The following TCEA1 variants were observed in gnomAD, a reference collection of about 807,000 sequenced individuals.
The protein encoded by TCEA1 is transcription elongation factor A protein 1.
Under a neutral mutation model 43.8 loss-of-function variants are expected in TCEA1, and 21 were observed. The observed-to-expected ratio is 0.48, with a 90% CI of 0.34 to 0.69. The LOEUF (loss-of-function observed/expected upper bound fraction) is 0.69, where lower values mean the gene tolerates loss of function less well. TCEA1 is among the 30% of genes least tolerant of loss of function. TCEA1 has a pLI of 0.01. For missense variants in TCEA1, 250 were observed against 365.1 expected (o/e 0.68, Z 2.57); for synonymous variants, 104 against 117.5 (o/e 0.88, Z 0.75).
chr8:53,985,936 C>A (rs1404992159), intron 6 of TCEA1, among the ~76,000 whole-genome samples: 2 of 152,126 alleles, frequency 1.3e-5, no homozygotes, highest in African/African-American at 4.8e-5. Flanking sequence ...GTCATAAATG[C>A]CATCAATACT....
intron 7 of TCEA1, among the ~76,000 whole-genome samples, chr8:53,984,041 G>A (rs1468992277): frequency 6.6e-6 from 1 of 152,136 alleles, no homozygotes; most frequent in African/African-American, 2.4e-5. Context: ...GGGAGGTTGC[G>A]GTGGGCCAAG....
At chr8:53,990,155 G>A (rs894490631) in intron 4 of TCEA1, among the ~76,000 whole-genome samples, 10 of 150,936 alleles carry the variant, frequency 6.6e-5, no homozygotes, top group South Asian at 2.1e-4. Flanking sequence ...CCTTGACTAC[G>A]CCACTGCACT....
At chr8:53,979,274 A>T (rs1803433873) in intron 7 of TCEA1, 103 bp from the exon 8 acceptor site, 2 of 1,231,474 alleles carry the variant, frequency 1.6e-6, no homozygotes, top group Non-Finnish European at 2.2e-6. Flanking sequence ...CCACATATCA[A>T]CCTTTAAGGT....
chr8:53,984,634 A>G, intron 6 of TCEA1, 117 bp from the exon 7 acceptor site: 1 of 811,026 alleles, frequency 1.2e-6, no homozygotes, highest in Non-Finnish European at 1.8e-6. Flanking sequence ...CTGTAATCCC[A>G]GCACTTTGGG....
rs78315623 is a variant in TCEA1 at position 53,969,497 on chromosome 8, G to GAA, written c.897+893_897+894dup. ...CTGAAAAGTCTATGTAAGTATAAAT[G>GAA]AAAAAAAAAAGAATCTTGTACAAAC... is the stretch of plus-strand genomic sequence containing the variant. On this transcript the variant is annotated intron_variant, in intron 9 of 9. Transcript: ENST00000521604. 3.4e-3 allele frequency among the ~76,000 whole-genome samples: 486 copies of GAA among 144,042 alleles called. 1 individual carries two copies. Among genetic ancestry groups the GAA allele is most frequent in the African/African-American group, 0.012 (465 of 39,368 alleles). 94.5% of individuals were successfully genotyped at this position (144,042 alleles called of 152,430 possible). A position where few individuals can be genotyped will look rare whatever the true frequency, so the allele number is the denominator to read the frequency against.
intron 8 of TCEA1, among the ~76,000 whole-genome samples, chr8:53,977,256 T>C (rs1296028493): frequency 2.6e-5 from 4 of 152,030 alleles, no homozygotes; most frequent in African/African-American, 9.6e-5. Flanking sequence ...GGAGGCGGAG[T>C]TTGCAGTGAG....
At chr8:53,969,057 A>G (rs1803074890) in intron 9 of TCEA1, among the ~76,000 whole-genome samples, 1 of 152,184 alleles carries the variant, frequency 6.6e-6, no homozygotes, top group Non-Finnish European at 1.5e-5. Flanking sequence ...TCGGAGGCCA[A>G]GGCAGGCAGA....
chr8:54,013,128 C>T (rs1385619804), intron 1 of TCEA1, among the ~76,000 whole-genome samples: 2 of 152,086 alleles, frequency 1.3e-5, no homozygotes, highest in East Asian at 1.9e-4. Flanking sequence ...GCAGGGTTTC[C>T]TAAGTATTAA....
At chr8:53,987,592 A>G (rs1803730425) in intron 5 of TCEA1, among the ~76,000 whole-genome samples, 1 of 152,252 alleles carries the variant, frequency 6.6e-6, no homozygotes, top group African/African-American at 2.4e-5. Flanking sequence ...ATGAATTCGT[A>G]TAAAATAACA....
intron 6 of TCEA1, among the ~76,000 whole-genome samples, chr8:53,985,201 G>T (rs1356105885): frequency 6.6e-6 from 1 of 151,954 alleles, no homozygotes; most frequent in Admixed American, 6.6e-5. Context: ...ATTTTTAGTA[G>T]AGACGGGGTT....
intron 2 of TCEA1, among the ~76,000 whole-genome samples, chr8:54,004,810 G>A (rs913015751): frequency 4.0e-5 from 6 of 151,216 alleles, no homozygotes; most frequent in African/African-American, 7.3e-5. Flanking sequence ...ATACAGCTAC[G>A]TTTACTATCC....
intron 2 of TCEA1, 82 bp from the exon 3 acceptor site, chr8:54,000,132 C>G (rs1228690985): frequency 2.3e-6 from 2 of 854,434 alleles, no homozygotes; most frequent in African/African-American, 3.4e-5. Context: ...TTTTCTTTCC[C>G]AGATTCCTGT....
At chr8:54,013,880 T>A (rs765253030) in intron 1 of TCEA1, among the ~76,000 whole-genome samples, 1 of 152,188 alleles carries the variant, frequency 6.6e-6, no homozygotes. Context: ...TAGAAGCAGG[T>A]ATTATCTCCA....
intron 1 of TCEA1, among the ~76,000 whole-genome samples, chr8:54,014,186 C>CTGCCCTTATA (rs1804747777): frequency 6.6e-6 from 1 of 152,230 alleles, no homozygotes; most frequent in Non-Finnish European, 1.5e-5. Flanking sequence ...GAACTAGTCG[C>CTGCCCTTATA]CTGACCCTTA....
At chr8:53,972,478 C>A in intron 8 of TCEA1, 1 of 520,958 alleles carries the variant, frequency 1.9e-6, no homozygotes. Flanking sequence ...GATAAACCTG[C>A]TCCTCGTGCT....
At chr8:53,996,710 T>G (rs938700576) in intron 3 of TCEA1, among the ~76,000 whole-genome samples, 1 of 143,060 alleles carries the variant, frequency 7.0e-6, no homozygotes, top group Non-Finnish European at 1.5e-5. Flanking sequence ...ATAGTTATGA[T>G]AGAAAAACAA....
chr8:54,020,908 C>G (rs1805001293), intron 1 of TCEA1, among the ~76,000 whole-genome samples: 2 of 152,144 alleles, frequency 1.3e-5, no homozygotes, highest in African/African-American at 2.4e-5. Context: ...CCTGAGAGGC[C>G]AGGCGCAGTG....
intron 3 of TCEA1, among the ~76,000 whole-genome samples, chr8:53,999,061 T>C (rs1046435253): frequency 2.0e-5 from 3 of 151,660 alleles, no homozygotes; most frequent in Non-Finnish European, 4.4e-5. Flanking sequence ...ACCTCGTCTC[T>C]ACTAAAAATA....
chr8:53,978,967 A>G (rs954248322), intron 8 of TCEA1, 58 bp downstream of exon 8: 2 of 1,516,204 alleles, frequency 1.3e-6, no homozygotes, highest in Non-Finnish European at 1.8e-6. Flanking sequence ...TATTTATTTT[A>G]AAACAGGAGT....
Sources: gnomAD v4.1 joint callset for allele counts (sites outside exome capture counted in the v4.1 genomes callset) on GRCh38, gnomAD v4.1.1 for gene constraint, MANE v1.5 for transcripts, NCBI Gene and HGNC (gene_info 2026-07-23, HGNC 2026-07-21) for gene names.